The following ZNF724 variants were observed in gnomAD, a reference collection of about 807,000 sequenced individuals.
The protein encoded by ZNF724 is zinc finger protein 724.
A neutral mutation model predicts 29.3 loss-of-function variants in ZNF724; 14 were observed. That is an observed-to-expected ratio of 0.48 (90% CI 0.32 to 0.75). The LOEUF (loss-of-function observed/expected upper bound fraction) is 0.75, where lower values mean the gene tolerates loss of function less well. Ranked by LOEUF, ZNF724 falls within the 30% of genes least tolerant of loss-of-function variation. The pLI is 0.04. For missense variants in ZNF724, 557 were observed against 571.2 expected, an observed-to-expected ratio of 0.98 and a Z score of 0.25; for synonymous variants, 180 against 193.6, an observed-to-expected ratio of 0.93 and a Z score of 0.58.
Position 23,223,124 on chromosome 19 carries a change from G to T in ZNF724, c.1121C>A (p.Ala374Asp). 2 of 1,280,174 alleles carry T rather than the reference G, an allele frequency of 1.6e-6. No individual in the cohort carries two copies. Among genetic ancestry groups the T allele is most frequent in the Non-Finnish European group, 1.1e-6 (1 of 876,936 alleles). The allele number at this position is 1,280,174 out of a possible 1,614,324, so 79.3% of individuals were successfully genotyped here. Residue 374 changes from alanine (A) to aspartate (D), a missense_variant, in exon 4 of 4, where the codon GCC (alanine) becomes GAC (aspartate). Physicochemically the swap from Ala to Asp is moderately radical, Grantham distance 126. Coordinates refer to ENST00000418100, the MANE Select transcript of ZNF724 (RefSeq NM_001355404.2). ...AGTAAGAGTTGAGGACACGTTAAAG[G>T]CTTTGCCACACTCTTCACATTTGTA... Reference protein sequence around the residue: ...KPYKCEECGKAFNVSSTLTQH... With the variant: ...KPYKCEECGKDFNVSSTLTQH...
Position 23,231,269 on chromosome 19 carries a change from G to T in ZNF724, c.223C>A (p.Pro75Thr). The T allele has an allele frequency of 7.5e-7, 1 of 1,339,612 alleles. No individual in the cohort carries two copies. 83.0% of individuals were successfully genotyped at this position (1,339,612 alleles called of 1,614,324 possible). A position where few individuals can be genotyped will look rare whatever the true frequency, so the allele number is the denominator to read the frequency against. Residue 75 changes from proline (P) to threonine (T), a missense_variant, in exon 3 of 4, where the codon CCA (proline) becomes ACA (threonine). By Grantham distance (38) the Pro-to-Thr change is conservative. Coordinates refer to ENST00000418100, the MANE Select transcript of ZNF724 (RefSeq NM_001355404.2). ...MERHEMVAKP[P>T]GMCCYFAQDL... Reference sequence around the variant, plus strand: ...TGTCATATTCACTCTCACCTACCTGGGGGTTTGGCCACCATCTCATGTCTC... The same window carrying T: ...TGTCATATTCACTCTCACCTACCTGTGGGTTTGGCCACCATCTCATGTCTC...
chr19:23,240,717 TAAAAAAAAA>T (rs34692737), intron 1 of ZNF724, among the ~76,000 whole-genome samples: 1 of 108,712 alleles, frequency 9.2e-6, no homozygotes, highest in Non-Finnish European at 1.8e-5. Context: ...GGATTCCACC[TAAAAAAAAA>T]AAAAAAAAAA....
At chr19:23,243,881 C>T (rs1972185413) in intron 1 of ZNF724, among the ~76,000 whole-genome samples, 1 of 150,590 alleles carries the variant, frequency 6.6e-6, no homozygotes, top group South Asian at 2.1e-4. Context: ...CGAGATCATA[C>T]CATTGCACTC....
intron 1 of ZNF724, among the ~76,000 whole-genome samples, chr19:23,244,975 G>C (rs770205302): frequency 6.6e-6 from 1 of 152,144 alleles, no homozygotes; most frequent in Non-Finnish European, 1.5e-5. Flanking sequence ...GTAAGACAAA[G>C]AAAAGAGGTG....
intron 3 of ZNF724, among the ~76,000 whole-genome samples, chr19:23,226,379 G>T (rs1006505265): frequency 3.3e-5 from 5 of 152,074 alleles, no homozygotes; most frequent in Admixed American, 6.6e-5. Context: ...GGTGGGCCAG[G>T]CTTGTCTCAA....
rs1426577670 is a variant in ZNF724 at position 23,223,589 on chromosome 19, A to C, written c.656T>G (p.Ile219Ser). The C allele has an allele frequency of 1.4e-6, 1 of 718,786 alleles. No homozygotes were observed. Among genetic ancestry groups the C allele is most frequent in the African/African-American group, 1.7e-5 (1 of 57,470 alleles). 44.5% of individuals were successfully genotyped at this position (718,786 alleles called of 1,614,324 possible). ...VSSTLSQHKR[I>S]HTGQKHYKCE... is the part of the protein sequence containing the mutation. Reference sequence around the variant, plus strand: ...TTTGTAGTGTTTTTGTCCTGTATGAATTCTCTTATGTTGAGAAAGGGTTGA... The same window carrying C: ...TTTGTAGTGTTTTTGTCCTGTATGACTTCTCTTATGTTGAGAAAGGGTTGA... The change falls in exon 4 of 4, where the codon ATT becomes AGT. Residue 219 changes from isoleucine to serine, a missense_variant. Around this residue, in one of 3 missense-constraint regions of ZNF724, gnomAD observed 362 missense variants for 295.5 expected, o/e 1.22. Coordinates refer to ENST00000418100, the MANE Select transcript of ZNF724 (RefSeq NM_001355404.2).
intron 1 of ZNF724, among the ~76,000 whole-genome samples, chr19:23,244,399 G>A (rs1389128433): frequency 6.6e-6 from 1 of 152,154 alleles, no homozygotes; most frequent in African/African-American, 2.4e-5. Flanking sequence ...GGGCATGATT[G>A]TGAGTCGGTG....
rs114989696 is a variant in ZNF724 at position 23,244,247 on chromosome 19, T to C, written c.3+5993A>G. Among the ~76,000 whole-genome samples, 114 of 152,216 alleles carry C rather than the reference T, an allele frequency of 7.5e-4. 1 individual carries two copies. Among genetic ancestry groups the C allele is most frequent in the African/African-American group, 2.6e-3 (109 of 41,540 alleles). The stretch of plus-strand genomic sequence containing the variant: ...ACAGGTTGCTGCTGCAGATTCGGTG[T>C]CTGGGGAACAGGAATATGCCGGGAG... On this transcript the variant is annotated intron_variant, in intron 1 of 3. Transcript: ENST00000418100.
chr19:23,243,293 C>T (rs1386958323), intron 1 of ZNF724, among the ~76,000 whole-genome samples: 5 of 150,944 alleles, frequency 3.3e-5, no homozygotes, highest in Admixed American at 6.6e-5. Flanking sequence ...GCCTGGCCAA[C>T]ATGGTGAAAC....
At position 23,222,640 on chromosome 19, in the gene ZNF724, T is replaced by G. The variant is rs1417610871; in HGVS notation, c.1605A>C (p.Lys535Asn). The change falls in exon 4 of 4, where the codon AAA (lysine) becomes AAC (asparagine). Residue 535 changes from lysine (K) to asparagine (N), a missense_variant. By Grantham distance (94) the Lys-to-Asn change is moderately conservative (BLOSUM62 0). This residue lies in a region of ZNF724 where 170 missense variants were observed against 220.7 expected (regional missense o/e 0.77). Transcript: ENST00000418100. ...KIIHAGEKPY[K>N]CEECGKAFYQ... ...AAAAAGCTTTGCCACATTCTTCACA[T>G]TTGTAGGGTTTCTCTCCAGCATGAA... is the stretch of plus-strand genomic sequence containing the variant. 1 of 1,361,984 alleles carries G rather than the reference T, an allele frequency of 7.3e-7. No individual in the cohort carries two copies. Among genetic ancestry groups the G allele is most frequent in the South Asian group, 1.2e-5 (1 of 85,034 alleles). 84.4% of individuals were successfully genotyped at this position (1,361,984 alleles called of 1,614,324 possible).
Position 23,250,376 on chromosome 19 carries a change from T to A in ZNF724, c.-134A>T. ...GGAAGACGAGACCAAGCGCTCCAGC[T>A]GCAGCGAGAGACAAAGGCCCCGCCA... On this transcript the variant is annotated 5_prime_UTR_variant, in exon 1 of 4. Transcript: ENST00000418100. The A allele has an allele frequency of 2.1e-6, 1 of 466,880 alleles. No homozygotes were observed. The highest frequency in any genetic ancestry group is 4.3e-6 in the Non-Finnish European group (1 of 232,654). 28.9% of individuals were successfully genotyped at this position (466,880 alleles called of 1,614,324 possible). A position where few individuals can be genotyped will look rare whatever the true frequency, so the allele number is the denominator to read the frequency against.
At chr19:23,247,052 G>A (rs1395603719) in intron 1 of ZNF724, among the ~76,000 whole-genome samples, 1 of 152,172 alleles carries the variant, frequency 6.6e-6, no homozygotes, top group South Asian at 2.1e-4. Context: ...GCGAAACCCC[G>A]TGTCTACTAA....
chr19:23,242,984 A>AGC (rs1972158061), intron 1 of ZNF724, among the ~76,000 whole-genome samples: 1 of 146,180 alleles, frequency 6.8e-6, no homozygotes, highest in African/African-American at 2.5e-5. Flanking sequence ...AGTTGCAGTG[A>AGC]GCCAAGATCG....
chr19:23,243,557 G>A (rs1972176791), intron 1 of ZNF724, among the ~76,000 whole-genome samples: 1 of 149,154 alleles, frequency 6.7e-6, no homozygotes, highest in African/African-American at 2.5e-5. Flanking sequence ...ATAAGTAAGA[G>A]CTAAATAATA....
chr19:23,223,296 T>C lies in ZNF724; in HGVS notation c.949A>G (p.Arg317Gly). 1 of 783,932 alleles carries C rather than the reference T, an allele frequency of 1.3e-6. No individual in the cohort carries two copies. Among genetic ancestry groups the C allele is most frequent in the Non-Finnish European group, 2.3e-6 (1 of 429,622 alleles). 48.6% of individuals were successfully genotyped at this position (783,932 alleles called of 1,614,324 possible). ...EKPYICEHCGRAFNQSSNLTK... is the reference protein window; with the variant it reads ...EKPYICEHCGGAFNQSSNLTK... ...AGGTTCGAGGATTGGTTAAAAGCTC[T>C]GCCACAATGTTCACATATGTAGGGC... Residue 317 changes from arginine to glycine, a missense_variant, in exon 4 of 4, where the codon AGA becomes GGA. This residue lies in a region of ZNF724 where 362 missense variants were observed against 295.5 expected (regional missense o/e 1.22). Coordinates refer to ENST00000418100, the MANE Select transcript of ZNF724 (RefSeq NM_001355404.2).
intron 1 of ZNF724, among the ~76,000 whole-genome samples, chr19:23,241,196 A>T (rs965424291): frequency 6.6e-6 from 1 of 152,222 alleles, no homozygotes; most frequent in Admixed American, 6.5e-5. Flanking sequence ...AATTCTCTCA[A>T]GACCAAACAA....
intron 1 of ZNF724, among the ~76,000 whole-genome samples, chr19:23,233,797 G>GAAA (rs34840584): frequency 2.9e-4 from 42 of 144,162 alleles, no homozygotes; most frequent in South Asian, 6.6e-4. Context: ...ATGTTTAGCT[G>GAAA]AAAAAAAAAA....
chr19:23,240,168 T>C (rs1972094178), intron 1 of ZNF724, among the ~76,000 whole-genome samples: 1 of 151,272 alleles, frequency 6.6e-6, no homozygotes. Flanking sequence ...ATACAAAAAT[T>C]ACCCAGGCGA....
At chr19:23,235,724 G>T (rs1972012933) in intron 1 of ZNF724, among the ~76,000 whole-genome samples, 1 of 152,086 alleles carries the variant, frequency 6.6e-6, no homozygotes, top group Non-Finnish European at 1.5e-5. Flanking sequence ...AGAGGAAAAG[G>T]CCCCTCTAGA....
Sources: allele counts gnomAD v4.1 joint callset (sites outside exome capture counted in the v4.1 genomes callset), GRCh38; gene constraint gnomAD v4.1.1; regional missense constraint gnomAD v4.1.1; transcripts MANE v1.5; gene names NCBI Gene and HGNC (gene_info 2026-07-23, HGNC 2026-07-21).